Variants in PPP2R2C observed in about 807,000 individuals in gnomAD.
PPP2R2C encodes protein phosphatase 2 regulatory subunit Bgamma.
PPP2R2C carries 10 observed loss-of-function variants against 45.3 expected under a neutral mutation model. The observed-to-expected ratio is 0.22, with a 90% confidence interval of 0.14 to 0.37. PPP2R2C has a LOEUF of 0.37. Ranked by LOEUF, PPP2R2C falls within the 10% of genes least tolerant of loss-of-function variation. The probability of loss-of-function intolerance (pLI) is 1.00; values close to 1 mark genes in which losing one functional copy is unlikely to be tolerated. For missense variants in PPP2R2C, 308 were observed against 619.7 expected, an observed-to-expected ratio of 0.50 and a Z score of 5.34; for synonymous variants, 257 against 245.4, an observed-to-expected ratio of 1.05 and a Z score of -0.44.
chr4:6,405,830 C>T (rs559512244), intron 1 of PPP2R2C, among the ~76,000 whole-genome samples: 11 of 152,208 alleles, frequency 7.2e-5, no homozygotes, highest in African/African-American at 2.2e-4. Context: ...CCATGGGGAA[C>T]GGCTTCGCGG....
At chr4:6,453,470 G>A (rs967641529) in intron 1 of PPP2R2C, among the ~76,000 whole-genome samples, 1 of 152,186 alleles carries the variant, frequency 6.6e-6, no homozygotes, top group South Asian at 2.1e-4. Flanking sequence ...GGCAAAGGCT[G>A]GAAACTGCCC....
At chr4:6,513,308 G>C (rs1472324472) in intron 2 of PPP2R2C, among the ~76,000 whole-genome samples, 1 of 152,208 alleles carries the variant, frequency 6.6e-6, no homozygotes, top group African/African-American at 2.4e-5. Flanking sequence ...GATGGAGTCA[G>C]TCCAAAGAGT....
chr4:6,554,629 G>A (rs1725300592), intron 1 of PPP2R2C, among the ~76,000 whole-genome samples: 1 of 152,130 alleles, frequency 6.6e-6, no homozygotes, highest in Non-Finnish European at 1.5e-5. Context: ...GGAGGCCAAG[G>A]CAGGCAGAGT....
intron 1 of PPP2R2C, among the ~76,000 whole-genome samples, chr4:6,407,547 A>G (rs1717883282): frequency 6.6e-6 from 1 of 152,140 alleles, no homozygotes; most frequent in Non-Finnish European, 1.5e-5. Context: ...GGCACCCGCC[A>G]CCACACCCGG....
chr4:6,392,223 C>T lies in PPP2R2C; in HGVS notation c.71-11129G>A, dbSNP rs572300380. On this transcript the variant is annotated intron_variant, in intron 1 of 8. Transcript: ENST00000382599. ...AAATTCTATGTCATGTATATTCTACCACAATAGAAAATTTAATTAAAAAGC... is the reference window on the plus strand; with the variant it reads ...AAATTCTATGTCATGTATATTCTACTACAATAGAAAATTTAATTAAAAAGC... Among the ~76,000 whole-genome samples the T allele has an allele frequency of 3.3e-5, 5 of 152,092 alleles. No individual in the cohort carries two copies. The East Asian group carries it at 5.8e-4, about 18-fold the overall frequency.
chr4:6,328,625 C>T lies in PPP2R2C; in HGVS notation c.1052+637G>A, dbSNP rs1202300710. Among the ~76,000 whole-genome samples the T allele has an allele frequency of 6.6e-6, 1 of 152,214 alleles. No individual in the cohort carries two copies. The highest frequency in any genetic ancestry group is 1.5e-5 in the Non-Finnish European group (1 of 68,038). Reference sequence around the variant, plus strand: ...CCCTGCCACAGCCCCCTTGTCCATGCCCGCCCTGGGCTGAGCCCAGGCTAG... The same window carrying T: ...CCCTGCCACAGCCCCCTTGTCCATGTCCGCCCTGGGCTGAGCCCAGGCTAG... On this transcript the variant is annotated intron_variant, in intron 8 of 8. Transcript: ENST00000382599. The surrounding 1 kb of genome is among the most constrained non-coding windows in gnomAD (Gnocchi z 4.4).
chr4:6,396,643 T>C (rs567164362), intron 1 of PPP2R2C, among the ~76,000 whole-genome samples: 2 of 152,344 alleles, frequency 1.3e-5, no homozygotes, highest in South Asian at 4.1e-4. Flanking sequence ...ACCCATGATC[T>C]CATTTAAGGG....
At chr4:6,507,418 G>T (rs1723274493) in intron 2 of PPP2R2C, among the ~76,000 whole-genome samples, 1 of 152,250 alleles carries the variant, frequency 6.6e-6, no homozygotes, top group African/African-American at 2.4e-5. Context: ...GGAAGTTACT[G>T]TGTGACTTAA....
intron 6 of PPP2R2C, among the ~76,000 whole-genome samples, chr4:6,338,049 C>T (rs1733124699): frequency 6.6e-6 from 1 of 152,098 alleles, no homozygotes; most frequent in African/African-American, 2.4e-5. Context: ...TACACACACA[C>T]ACACCCCGCT....
At chr4:6,538,898 C>T (rs1046820816) in intron 1 of PPP2R2C, among the ~76,000 whole-genome samples, 4 of 152,190 alleles carry the variant, frequency 2.6e-5, no homozygotes, top group Admixed American at 2.6e-4. Context: ...CTGCTCAGAG[C>T]AGGTGCTCCA....
chr4:6,346,731 C>T (rs546576153), intron 6 of PPP2R2C, among the ~76,000 whole-genome samples: 3 of 152,156 alleles, frequency 2.0e-5, no homozygotes, highest in Non-Finnish European at 4.4e-5. Flanking sequence ...GAGCCTGAGT[C>T]CTGGGGCTGG....
chr4:6,483,671 G>C (rs1168355237), intron 2 of PPP2R2C, among the ~76,000 whole-genome samples: 1 of 152,088 alleles, frequency 6.6e-6, no homozygotes, highest in Non-Finnish European at 1.5e-5. Context: ...ATATATTCTA[G>C]ATACAAGCCA....
chr4:6,452,524 A>G (rs1477529980), intron 1 of PPP2R2C, among the ~76,000 whole-genome samples: 1 of 152,190 alleles, frequency 6.6e-6, no homozygotes, highest in Non-Finnish European at 1.5e-5. Flanking sequence ...CCCATTTCAC[A>G]GAAGAGGAAA....
chr4:6,444,648 A>G (rs975852422), intron 1 of PPP2R2C, among the ~76,000 whole-genome samples: 1 of 152,220 alleles, frequency 6.6e-6, no homozygotes, highest in Non-Finnish European at 1.5e-5. Context: ...GCGGGGGCCC[A>G]GTTTCTTAAT....
At chr4:6,429,679 C>A (rs1269531090) in intron 1 of PPP2R2C, among the ~76,000 whole-genome samples, 3 of 152,150 alleles carry the variant, frequency 2.0e-5, no homozygotes, top group African/African-American at 7.2e-5. Flanking sequence ...GGATGAAAAG[C>A]CAATTTTATG....
chr4:6,333,225 T>C (rs1486612049), intron 7 of PPP2R2C, among the ~76,000 whole-genome samples: 1 of 151,586 alleles, frequency 6.6e-6, no homozygotes, highest in Admixed American at 6.6e-5. Flanking sequence ...TCCCAGGGAG[T>C]GGGGAGGGAA....
At chr4:6,392,091 G>C (rs1212882248) in intron 1 of PPP2R2C, among the ~76,000 whole-genome samples, 1 of 152,206 alleles carries the variant, frequency 6.6e-6, no homozygotes, top group East Asian at 1.9e-4. Context: ...CAGAGTCTCT[G>C]TCTGGGATGA....
intron 1 of PPP2R2C, among the ~76,000 whole-genome samples, chr4:6,415,153 A>G (rs1198696470): frequency 6.6e-6 from 1 of 152,210 alleles, no homozygotes; most frequent in Non-Finnish European, 1.5e-5. Context: ...AGGACCTGCC[A>G]GGGCCTTCTC....
intron 2 of PPP2R2C, among the ~76,000 whole-genome samples, chr4:6,482,102 T>G (rs904514598): frequency 6.6e-6 from 1 of 151,364 alleles, no homozygotes; most frequent in African/African-American, 2.4e-5. Flanking sequence ...AATCATCCCA[T>G]CAATGGATAT....
Sources: allele counts gnomAD v4.1 joint callset (sites outside exome capture counted in the v4.1 genomes callset), GRCh38; gene constraint gnomAD v4.1.1; non-coding constraint Gnocchi (gnomAD v3.1); transcripts MANE v1.5; gene names NCBI Gene and HGNC (gene_info 2026-07-23, HGNC 2026-07-21).